Variants in CAPN5 observed in about 807,000 individuals in gnomAD.
CAPN5 encodes calpain-5.
Under a neutral mutation model 73.0 loss-of-function variants are expected in CAPN5, and 54 were observed. That is an observed-to-expected ratio of 0.74 (90% CI 0.59 to 0.93). The LOEUF (loss-of-function observed/expected upper bound fraction) is 0.93, where lower values mean the gene tolerates loss of function less well. Ranked by LOEUF, CAPN5 falls within the 40% of genes least tolerant of loss-of-function variation. The pLI is 0.00. For missense variants in CAPN5, 785 were observed against 882.9 expected (o/e 0.89, Z 1.41); for synonymous variants, 335 against 356.9 (o/e 0.94, Z 0.69).
intron 1 of CAPN5, among the ~76,000 whole-genome samples, chr11:77,081,552 A>G (rs1950028873): frequency 6.6e-6 from 1 of 152,208 alleles, no homozygotes; most frequent in Non-Finnish European, 1.5e-5. Context: ...AAGGATACAG[A>G]GTGCTGCTCT....
rs371863811 is a variant in CAPN5, at chr11:77,093,677, C to T, written c.166-5C>T. The T allele has an allele frequency of 1.5e-5, 23 of 1,580,386 alleles. No individual in the cohort carries two copies. Among genetic ancestry groups the T allele is most frequent in the African/African-American group, 2.7e-5 (2 of 74,388 alleles). On this transcript the variant is annotated splice_region_variant and splice_polypyrimidine_tract_variant and intron_variant, in intron 2 of 12. Transcript: ENST00000648180. Reference sequence around the variant, plus strand: ...CCTCACGCTCTCTCCTCGCCTTCTCCGCAGGGCATCTGCGAGGACCCCCGC... The same window carrying T: ...CCTCACGCTCTCTCCTCGCCTTCTCTGCAGGGCATCTGCGAGGACCCCCGC...
intron 1 of CAPN5, among the ~76,000 whole-genome samples, chr11:77,075,704 A>G (rs1949961955): frequency 1.3e-5 from 2 of 152,110 alleles, no homozygotes; most frequent in African/African-American, 2.4e-5. Context: ...ATTGAAGCAT[A>G]TGTAACTGAT....
intron 8 of CAPN5, 53 bp from the exon 9 acceptor site, chr11:77,118,977 G>C: frequency 6.4e-7 from 1 of 1,568,554 alleles, no homozygotes; most frequent in Non-Finnish European, 8.6e-7. Flanking sequence ...GCCAGCCCAT[G>C]CCTGGTGTGG....
intron 3 of CAPN5, among the ~76,000 whole-genome samples, chr11:77,107,097 G>A (rs368007552): frequency 1.6e-4 from 24 of 152,320 alleles, no homozygotes; most frequent in East Asian, 1.2e-3. Context: ...CCTGGTCTCC[G>A]GTGGAGAGCA....
intron 1 of CAPN5, among the ~76,000 whole-genome samples, chr11:77,082,163 T>A (rs971593581): frequency 1.3e-5 from 2 of 151,860 alleles, no homozygotes. Flanking sequence ...GCAGAGGCCC[T>A]GAGGGAACAG....
At chr11:77,087,055 G>GCGC (rs1555035676) in intron 2 of CAPN5, among the ~76,000 whole-genome samples, 1 of 152,244 alleles carries the variant, frequency 6.6e-6, no homozygotes, top group Non-Finnish European at 1.5e-5. Flanking sequence ...GTGACAGAGA[G>GCGC]CGTATGGTGG....
chr11:77,084,380 G>T (rs918260743), intron 1 of CAPN5, among the ~76,000 whole-genome samples: 2 of 152,212 alleles, frequency 1.3e-5, no homozygotes, highest in Non-Finnish European at 2.9e-5. Flanking sequence ...AATGAATGAT[G>T]CTGAGAGGGG....
chr11:77,117,451 C>T (rs2135482606), intron 7 of CAPN5, among the ~76,000 whole-genome samples: 1 of 152,300 alleles, frequency 6.6e-6, no homozygotes, highest in Non-Finnish European at 1.5e-5. Flanking sequence ...GGTCCTGGCA[C>T]CCAATGATGA....
chr11:77,097,217 A>G (rs1482214707), intron 3 of CAPN5, among the ~76,000 whole-genome samples: 1 of 151,650 alleles, frequency 6.6e-6, no homozygotes, highest in Non-Finnish European at 1.5e-5. Flanking sequence ...GCGAGACTCC[A>G]TCTCAAAAAA....
At chr11:77,090,936 G>T (rs948977) in intron 2 of CAPN5, among the ~76,000 whole-genome samples, 45,855 of 151,954 alleles carry the variant, frequency 0.3, 7,050 homozygotes, top group East Asian at 0.37. Flanking sequence ...ACGGGGTGCC[G>T]TTGGGGATGG....
At chr11:77,071,129 C>T (rs1555032993) in intron 1 of CAPN5, among the ~76,000 whole-genome samples, 1 of 152,112 alleles carries the variant, frequency 6.6e-6, no homozygotes, top group African/African-American at 2.4e-5. Context: ...ATTCCCAGCT[C>T]CCGCCCCCAC....
intron 3 of CAPN5, among the ~76,000 whole-genome samples, chr11:77,102,572 C>G (rs772034463): frequency 6.6e-6 from 1 of 152,248 alleles, no homozygotes; most frequent in Non-Finnish European, 1.5e-5. Flanking sequence ...GCGACCTGGT[C>G]CCCAAGGAAC....
In CAPN5 at chr11:77,116,361, G is replaced by A. The variant is rs561867610; in HGVS notation, c.971+58G>A. 1.3e-4 allele frequency: 181 copies of A among 1,402,916 alleles called. No individual in the cohort carries two copies. The African/African-American group carries it at 1.8e-3, about 14-fold the overall frequency. The allele number at this position is 1,402,916 out of a possible 1,614,324, so 86.9% of individuals were successfully genotyped here. A position where few individuals can be genotyped will look rare whatever the true frequency, so the allele number is the denominator to read the frequency against. Reference sequence around the variant, plus strand: ...TGAGGGGGCTTCCCACGGGCCTGGCGGGGAGCACCAGGTGGGGAGTCAGGA... The same window carrying A: ...TGAGGGGGCTTCCCACGGGCCTGGCAGGGAGCACCAGGTGGGGAGTCAGGA... On this transcript the variant is annotated intron_variant, in intron 7 of 12. Coordinates refer to ENST00000648180, the MANE Select transcript of CAPN5 (RefSeq NM_004055.5).
Position 77,116,143 on chromosome 11 carries a change from G to GCCT in CAPN5, c.894-78_894-76dup. The GCCT allele has an allele frequency of 2.3e-6, 3 of 1,294,046 alleles. No individual in the cohort carries two copies. In the South Asian group the frequency reaches 3.8e-5, roughly 17 times the overall value. 80.2% of individuals were successfully genotyped at this position (1,294,046 alleles called of 1,614,324 possible). ...GGCCTGGTGCAAGACTGCCCCTCGT[G>GCCT]CCTCCTCGCCTTTGCCAGACAGATT... On this transcript the variant is annotated intron_variant, in intron 6 of 12. Transcript: ENST00000648180.
chr11:77,103,150 C>A, intron 3 of CAPN5: 1 of 1,613,846 alleles, frequency 6.2e-7, no homozygotes, highest in Non-Finnish European at 8.5e-7. Context: ...GACCCCACTG[C>A]CATCTTCTGG....
intron 9 of CAPN5, 30 bp from the exon 10 acceptor site, chr11:77,120,683 G>T (rs781935545): frequency 1.3e-6 from 2 of 1,551,478 alleles, no homozygotes; most frequent in African/African-American, 1.4e-5. Flanking sequence ...GTGTGTCTCC[G>T]CGTGGCCCAG....
At chr11:77,109,392 A>G (rs1950387999) in intron 3 of CAPN5, among the ~76,000 whole-genome samples, 1 of 152,144 alleles carries the variant, frequency 6.6e-6, no homozygotes, top group Non-Finnish European at 1.5e-5. Context: ...TAAAAAAAAA[A>G]TGAGTTGATT....
rs1459199941 is a variant in CAPN5 at position 77,125,639 on chromosome 11, T to TATATATAC, written c.*1770_*1771insTATATACA. On this transcript the variant is annotated 3_prime_UTR_variant, in exon 13 of 13. Coordinates refer to ENST00000648180, the MANE Select transcript of CAPN5 (RefSeq NM_004055.5). ...CTATATATATATATATATATATATA[T>TATATATAC]ACATTCATGTAATCACCACTTCTCG... 1.2e-3 allele frequency: 185 copies of TATATATAC among 149,858 alleles called. No homozygotes were observed. The highest frequency in any genetic ancestry group is 4.4e-3 in the African/African-American group (180 of 40,504). The allele number at this position is 149,858 out of a possible 1,614,324, so 9.3% of individuals were successfully genotyped here.
intron 3 of CAPN5, among the ~76,000 whole-genome samples, chr11:77,101,256 C>G (rs1950281016): frequency 6.6e-6 from 1 of 152,218 alleles, no homozygotes; most frequent in Non-Finnish European, 1.5e-5. Context: ...CCTACCCTCT[C>G]AGGACTGTGT....
Sources: gnomAD v4.1 joint callset for allele counts (sites outside exome capture counted in the v4.1 genomes callset) on GRCh38, gnomAD v4.1.1 for gene constraint, MANE v1.5 for transcripts, NCBI Gene and HGNC (gene_info 2026-07-23, HGNC 2026-07-21) for gene names.